The following SYT1 variants were observed in gnomAD, a reference collection of about 807,000 sequenced individuals.
The protein encoded by SYT1 is synaptotagmin-1.
SYT1 carries 8 observed loss-of-function variants against 44.8 expected under a neutral mutation model. The ratio of observed to expected loss-of-function variants is 0.18; its 90% CI spans 0.10 to 0.32. The LOEUF is 0.32. SYT1 is among the 10% of genes least tolerant of loss of function. SYT1 has a pLI of 1.00. For missense variants in SYT1, 286 were observed against 509.3 expected (o/e 0.56, Z 4.22); for synonymous variants, 154 against 188.8 (o/e 0.82, Z 1.51).
chr12:79,188,465 C>G (rs116674850), intron 3 of SYT1, among the ~76,000 whole-genome samples: 2 of 152,010 alleles, frequency 1.3e-5, no homozygotes, highest in Non-Finnish European at 2.9e-5. Flanking sequence ...GATTTTGAAC[C>G]CTTTTCTCAG....
intron 3 of SYT1, among the ~76,000 whole-genome samples, chr12:79,146,996 A>G (rs1022696801): frequency 6.6e-6 from 1 of 151,944 alleles, no homozygotes; most frequent in Non-Finnish European, 1.5e-5. Flanking sequence ...GCCCACCACC[A>G]TGTCCGGCTA....
At chr12:79,367,062 A>T (rs1883579952) in intron 9 of SYT1, among the ~76,000 whole-genome samples, 1 of 152,106 alleles carries the variant, frequency 6.6e-6, no homozygotes, top group African/African-American at 2.4e-5. Flanking sequence ...TGTGGCCACA[A>T]GACCCAGCAT....
chr12:78,951,311 AATTATT>A (rs1439113277), intron 1 of SYT1, among the ~76,000 whole-genome samples: 2 of 152,150 alleles, frequency 1.3e-5, no homozygotes, highest in Non-Finnish European at 2.9e-5. Context: ...CTTATGAAAC[AATTATT>A]ATTTCCTAGA....
chr12:79,165,300 G>A (rs1311625009), intron 3 of SYT1, among the ~76,000 whole-genome samples: 1 of 151,916 alleles, frequency 6.6e-6, no homozygotes, highest in Non-Finnish European at 1.5e-5. Context: ...CATAGCTTAT[G>A]TGGTATTTAA....
In SYT1 at chr12:78,983,147, T is replaced by C. The variant is rs536430628; in HGVS notation, c.-84+5216T>C. On this transcript the variant is annotated intron_variant, in intron 2 of 10. Coordinates refer to ENST00000261205, the MANE Select transcript of SYT1 (RefSeq NM_005639.3). ...TTTTAGCCTACTTGATTCTTACTGTTTTCAACATTGCCCTCAAATTAATAT... is the reference window on the plus strand; with the variant it reads ...TTTTAGCCTACTTGATTCTTACTGTCTTCAACATTGCCCTCAAATTAATAT... Among the ~76,000 whole-genome samples the C allele has an allele frequency of 2.0e-5, 3 of 152,222 alleles. No individual in the cohort carries two copies. The East Asian group carries it at 5.8e-4, about 29-fold the overall frequency.
intron 1 of SYT1, among the ~76,000 whole-genome samples, chr12:78,897,557 A>C (rs546549359): frequency 6.6e-6 from 1 of 152,156 alleles, no homozygotes; most frequent in South Asian, 2.1e-4. Flanking sequence ...GATCCTTTAA[A>C]ATGAATAGTC....
intron 8 of SYT1, among the ~76,000 whole-genome samples, chr12:79,330,671 C>CATTGACTA (rs1284280386): frequency 6.6e-6 from 1 of 152,198 alleles, no homozygotes; most frequent in Non-Finnish European, 1.5e-5. Context: ...CTGTTGTTGA[C>CATTGACTA]ATTGACTAAC....
At chr12:79,340,560 A>C (rs1882320911) in intron 8 of SYT1, among the ~76,000 whole-genome samples, 1 of 152,210 alleles carries the variant, frequency 6.6e-6, no homozygotes, top group East Asian at 1.9e-4. Flanking sequence ...GCTTAAGGAG[A>C]TTTTGGGCTG....
At chr12:78,985,141 A>AT (rs939055556) in intron 2 of SYT1, among the ~76,000 whole-genome samples, 3 of 151,728 alleles carry the variant, frequency 2.0e-5, no homozygotes, top group East Asian at 1.9e-4. Flanking sequence ...TTTATTCTTG[A>AT]TTTTTTTTAA....
At chr12:78,882,365 T>TCACTG (rs1206339938) in intron 1 of SYT1, among the ~76,000 whole-genome samples, 12 of 151,826 alleles carry the variant, frequency 7.9e-5, no homozygotes, top group African/African-American at 2.9e-4. Flanking sequence ...TCCACAGTGA[T>TCACTG]TGGATCCAAT....
In SYT1 at chr12:79,379,783, A is replaced by G. The variant is rs902215644; in HGVS notation, c.928+26164A>G. On this transcript the variant is annotated intron_variant, in intron 9 of 10. Coordinates refer to ENST00000261205, the MANE Select transcript of SYT1 (RefSeq NM_005639.3). ...ATAAGGTAATTTAAGGGAATTCATT[A>G]CCCAAATAAAAGACTATGAGCATAA... Among the ~76,000 whole-genome samples, 12 of 152,332 alleles carry G rather than the reference A, an allele frequency of 7.9e-5. No individual in the cohort carries two copies. The South Asian group carries it at 1.4e-3, about 18-fold the overall frequency.
chr12:79,417,078 T>G (rs1371492215), intron 9 of SYT1, among the ~76,000 whole-genome samples: 1 of 152,184 alleles, frequency 6.6e-6, no homozygotes, highest in African/African-American at 2.4e-5. Context: ...ATCAAAAGTG[T>G]CTCTGAAAAT....
At chr12:79,001,682 G>A (rs894013281) in intron 2 of SYT1, among the ~76,000 whole-genome samples, 2 of 152,148 alleles carry the variant, frequency 1.3e-5, no homozygotes, top group Non-Finnish European at 2.9e-5. Flanking sequence ...TTTATTTTCT[G>A]TTCTTAGTGT....
At chr12:79,314,333 A>G (rs1348568489) in intron 8 of SYT1, among the ~76,000 whole-genome samples, 2 of 152,134 alleles carry the variant, frequency 1.3e-5, no homozygotes, top group East Asian at 1.9e-4. Flanking sequence ...AGGCATTGTC[A>G]TACATGGTTT....
intron 3 of SYT1, among the ~76,000 whole-genome samples, chr12:79,062,438 A>G (rs1325646331): frequency 9.8e-5 from 15 of 152,310 alleles, no homozygotes; most frequent in Middle Eastern, 3.4e-3. Context: ...AAGTTAGAGC[A>G]GCCCTGAGCC....
chr12:78,905,906 TC>T (rs1001376893), intron 1 of SYT1, among the ~76,000 whole-genome samples: 3 of 152,052 alleles, frequency 2.0e-5, no homozygotes, highest in Non-Finnish European at 4.4e-5. Context: ...GGAAGTTTTT[TC>T]CCCCAAAGGG....
chr12:79,417,559 A>C (rs564118642), intron 9 of SYT1, among the ~76,000 whole-genome samples: 2 of 152,194 alleles, frequency 1.3e-5, no homozygotes, highest in Admixed American at 6.5e-5. Context: ...TCCTGTTTAA[A>C]ATATTTAATT....
At chr12:79,153,286 C>G (rs139533828) in intron 3 of SYT1, among the ~76,000 whole-genome samples, 2 of 152,130 alleles carry the variant, frequency 1.3e-5, no homozygotes, top group Admixed American at 6.6e-5. Flanking sequence ...GGATGCCAAT[C>G]AGATCAAATT....
chr12:79,306,586 T>G (rs1323485445), intron 8 of SYT1, among the ~76,000 whole-genome samples: 1 of 152,244 alleles, frequency 6.6e-6, no homozygotes, highest in Non-Finnish European at 1.5e-5. Context: ...CTCAAATGGT[T>G]TGCTATGGGG....
Sources: gnomAD v4.1 joint callset for allele counts (sites outside exome capture counted in the v4.1 genomes callset) on GRCh38, gnomAD v4.1.1 for gene constraint, MANE v1.5 for transcripts, NCBI Gene and HGNC (gene_info 2026-07-23, HGNC 2026-07-21) for gene names.